The following TLK2 variants were observed in gnomAD, a reference collection of about 807,000 sequenced individuals.
TLK2 encodes serine/threonine-protein kinase tousled-like 2.
Under a neutral mutation model 117.3 loss-of-function variants are expected in TLK2, and 6 were observed. The ratio of observed to expected loss-of-function variants is 0.05; its 90% confidence interval spans 0.03 to 0.10. TLK2 has a LOEUF of 0.10. Ranked by LOEUF, TLK2 falls within the 10% of genes least tolerant of loss-of-function variation. TLK2 has a pLI of 1.00. For missense variants in TLK2, 299 were observed against 901.2 expected (o/e 0.33, Z 8.56); for synonymous variants, 257 against 316.7 (o/e 0.81, Z 2.00).
chr17:62,492,098 G>T (rs2073166797), intron 2 of TLK2, among the ~76,000 whole-genome samples: 1 of 152,116 alleles, frequency 6.6e-6, no homozygotes, highest in South Asian at 2.1e-4. Context: ...TTGAGATACA[G>T]GATAATAAAT....
At chr17:62,478,605 C>CGA (rs2071201619), upstream of TLK2, among the ~76,000 whole-genome samples, 3 of 150,772 alleles carry the variant, frequency 2.0e-5, no homozygotes, top group Non-Finnish European at 4.5e-5. Flanking sequence ...CTTCCTCCGC[C>CGA]GGCGCGGGGT....
intron 21 of TLK2, among the ~76,000 whole-genome samples, chr17:62,611,437 TA>T (rs1324741411): frequency 6.6e-6 from 1 of 152,234 alleles, no homozygotes; most frequent in Admixed American, 6.5e-5. Flanking sequence ...CTTTGCTTTT[TA>T]GAGCATTTTT....
chr17:62,520,848 A>G lies in TLK2; in HGVS notation c.153+4A>G, dbSNP rs765715083. On this transcript the variant is annotated splice_donor_region_variant and intron_variant, in intron 3 of 21. Coordinates refer to ENST00000346027, the MANE Select transcript of TLK2 (RefSeq NM_006852.6). ...CTTGAGTGATAAAGAAGTAGAGGTA[A>G]GAAGCTATGTTCATGGCAGGACTTT... The G allele has an allele frequency of 6.2e-7, 1 of 1,612,694 alleles. No homozygotes were observed. The highest frequency in any genetic ancestry group is 8.5e-7 in the Non-Finnish European group (1 of 1,179,132).
chr17:62,591,093 TAC>T (rs1328649784), intron 16 of TLK2, among the ~76,000 whole-genome samples: 2 of 151,968 alleles, frequency 1.3e-5, no homozygotes, highest in African/African-American at 4.8e-5. Flanking sequence ...CTACTAAAAA[TAC>T]AAAATTAGCT....
At chr17:62,597,879 G>A (rs1278901396) in intron 17 of TLK2, among the ~76,000 whole-genome samples, 1 of 152,180 alleles carries the variant, frequency 6.6e-6, no homozygotes, top group Non-Finnish European at 1.5e-5. Flanking sequence ...ATGTTTCTCT[G>A]TAGAAGTCTG....
intron 16 of TLK2, among the ~76,000 whole-genome samples, chr17:62,594,823 CACACACA>C (rs1433772664): frequency 1.0e-4 from 13 of 127,660 alleles, no homozygotes; most frequent in African/African-American, 2.8e-4. Context: ...CACACACACA[CACACACA>C]CCCCATGTGG....
rs1455599009 is a variant in TLK2, at chr17:62,553,351, A to G, written c.628-312A>G. On this transcript the variant is annotated intron_variant, in intron 8 of 21. Coordinates refer to ENST00000346027, the MANE Select transcript of TLK2 (RefSeq NM_006852.6). Reference sequence around the variant, plus strand: ...CAAGTCTCCTGTGAGATCCTTTTCTATTCAAAGTTAGTTTCATTTCTGGAG... The same window carrying G: ...CAAGTCTCCTGTGAGATCCTTTTCTGTTCAAAGTTAGTTTCATTTCTGGAG... 2.5e-5 allele frequency: 6 copies of G among 241,798 alleles called. No individual in the cohort carries two copies. The South Asian group carries it at 2.8e-4, about 11-fold the overall frequency. The allele number at this position is 241,798 out of a possible 1,614,324, so 15.0% of individuals were successfully genotyped here. A position where few individuals can be genotyped will look rare whatever the true frequency, so the allele number is the denominator to read the frequency against.
chr17:62,549,189 C>G (rs186365602), intron 7 of TLK2, among the ~76,000 whole-genome samples: 1 of 147,068 alleles, frequency 6.8e-6, no homozygotes, highest in Non-Finnish European at 1.5e-5. Context: ...GTCAGGAGAT[C>G]GAAACCATCC....
intron 2 of TLK2, among the ~76,000 whole-genome samples, chr17:62,490,597 A>G (rs1456975106): frequency 6.6e-6 from 1 of 152,082 alleles, no homozygotes; most frequent in African/African-American, 2.4e-5. Context: ...GCTGGAGTGC[A>G]ATGGCATGAT....
intron 1 of TLK2, among the ~76,000 whole-genome samples, chr17:62,472,149 G>A (rs1318579795): frequency 3.3e-5 from 5 of 151,002 alleles, no homozygotes; most frequent in Non-Finnish European, 7.4e-5. Context: ...CTCGTGATCC[G>A]CCTGCCTCAG....
rs556352444 is a variant in TLK2, at chr17:62,591,925, G to A, written c.1461-4660G>A. On this transcript the variant is annotated intron_variant, in intron 16 of 21. Coordinates refer to ENST00000346027, the MANE Select transcript of TLK2 (RefSeq NM_006852.6). Reference sequence around the variant, plus strand: ...TGAATTACTTAAAATATCAGTTACTGTCTTTGTAAATAAGAACTACATTCT... The same window carrying A: ...TGAATTACTTAAAATATCAGTTACTATCTTTGTAAATAAGAACTACATTCT... 5.3e-5 allele frequency among the ~76,000 whole-genome samples: 8 copies of A among 151,514 alleles called. No homozygotes were observed. In the East Asian group the frequency reaches 1.5e-3, roughly 29 times the overall value.
intron 2 of TLK2, among the ~76,000 whole-genome samples, chr17:62,497,770 C>A (rs1422942524): frequency 6.6e-6 from 1 of 152,220 alleles, no homozygotes; most frequent in Non-Finnish European, 1.5e-5. Context: ...TCTAGGCTTA[C>A]TGCAACCTCC....
At chr17:62,476,017 A>T (rs2144202590), upstream of TLK2, among the ~76,000 whole-genome samples, 1 of 151,544 alleles carries the variant, frequency 6.6e-6, no homozygotes, top group Middle Eastern at 3.4e-3. Context: ...TCACTCTGTC[A>T]CCCAGAATGG....
chr17:62,604,635 G>C (rs559366871), intron 19 of TLK2, among the ~76,000 whole-genome samples: 18 of 152,270 alleles, frequency 1.2e-4, no homozygotes, highest in Admixed American at 5.9e-4. Flanking sequence ...TGCTAGCCAG[G>C]TGTGGTGGCT....
At chr17:62,572,206 C>A (rs2080363133) in intron 11 of TLK2, among the ~76,000 whole-genome samples, 1 of 150,458 alleles carries the variant, frequency 6.6e-6, no homozygotes, top group Non-Finnish European at 1.5e-5. Flanking sequence ...ATTTATTATT[C>A]CACAAAAATG....
intron 2 of TLK2, among the ~76,000 whole-genome samples, chr17:62,486,210 G>A (rs2072356928): frequency 6.6e-6 from 1 of 151,820 alleles, no homozygotes; most frequent in African/African-American, 2.4e-5. Flanking sequence ...GGGCTAGAGT[G>A]CAGTGGCGCG....
At chr17:62,540,340 T>C (rs1255764128) in intron 7 of TLK2, among the ~76,000 whole-genome samples, 21 of 146,632 alleles carry the variant, frequency 1.4e-4, no homozygotes, top group Non-Finnish European at 1.5e-5. Context: ...TTTTATATTA[T>C]ATGCCAAATC....
chr17:62,535,525 G>A (rs1439850173), intron 6 of TLK2, among the ~76,000 whole-genome samples: 1 of 152,094 alleles, frequency 6.6e-6, no homozygotes, highest in Admixed American at 6.5e-5. Context: ...CCAGCACTTT[G>A]GGAGGCTGAG....
At chr17:62,488,358 C>T (rs2072715332) in intron 2 of TLK2, among the ~76,000 whole-genome samples, 1 of 152,118 alleles carries the variant, frequency 6.6e-6, no homozygotes, top group African/African-American at 2.4e-5. Context: ...TTCATTGCAG[C>T]AATTAGAAGC....
Sources: gnomAD v4.1 joint callset for allele counts (sites outside exome capture counted in the v4.1 genomes callset) on GRCh38, gnomAD v4.1.1 for gene constraint, MANE v1.5 for transcripts, NCBI Gene and HGNC (gene_info 2026-07-23, HGNC 2026-07-21) for gene names.